VDAC1: variants seen among roughly 807,000 people sequenced by gnomAD.
VDAC1 encodes non-selective voltage-gated ion channel VDAC1.
A neutral mutation model predicts 34.7 loss-of-function variants in VDAC1; 10 were observed. The ratio of observed to expected loss-of-function variants is 0.29; its 90% CI spans 0.18 to 0.49. The LOEUF is 0.49. Ranked by LOEUF, VDAC1 falls within the 20% of genes least tolerant of loss-of-function variation. The pLI is 0.99. For missense variants in VDAC1, 230 were observed against 347.9 expected (o/e 0.66, Z 2.69); for synonymous variants, 130 against 136.0 (o/e 0.96, Z 0.30).
chr5:134,078,836 A>C, the VDAC1 span, among the ~76,000 whole-genome samples: 1 of 151,666 alleles, frequency 6.6e-6, no homozygotes, highest in South Asian at 2.1e-4. Flanking sequence ...TTTTTAGTAG[A>C]GATGGGGTTT....
At chr5:134,011,252 G>A in the VDAC1 span, among the ~76,000 whole-genome samples, 81 of 152,142 alleles carry the variant, frequency 5.3e-4, 1 homozygote, top group African/African-American at 1.9e-3. Context: ...GCCTGCCTCA[G>A]CCTCCCAAAG....
chr5:134,075,900 A>G, the VDAC1 span, among the ~76,000 whole-genome samples: 1 of 151,622 alleles, frequency 6.6e-6, no homozygotes, highest in African/African-American at 2.4e-5. Flanking sequence ...TACCATTTTC[A>G]TACTATTCAC....
At chr5:133,995,476 T>C (rs35644303) in intron 1 of VDAC1, among the ~76,000 whole-genome samples, 15,440 of 152,112 alleles carry the variant, frequency 0.1, 913 homozygotes, top group South Asian at 0.21. Context: ...CTCCCCAGCA[T>C]AGCACCTGGC....
chr5:134,058,693 C>T, the VDAC1 span, among the ~76,000 whole-genome samples: 3 of 152,124 alleles, frequency 2.0e-5, no homozygotes, highest in Non-Finnish European at 2.9e-5. Flanking sequence ...ATGCAAACTG[C>T]ATTCTAATCA....
the VDAC1 span, among the ~76,000 whole-genome samples, chr5:134,067,204 G>T: frequency 0.15 from 22,062 of 151,004 alleles, 1,848 homozygotes; most frequent in East Asian, 0.28. Context: ...GCCTCCCGAG[G>T]AGCTGGGATT....
the VDAC1 span, among the ~76,000 whole-genome samples, chr5:134,104,185 T>C: frequency 0.76 from 115,666 of 152,166 alleles, 44,502 homozygotes; most frequent in Non-Finnish European, 0.82. Context: ...GAACCAGTCC[T>C]ACAATGAATC....
the VDAC1 span, among the ~76,000 whole-genome samples, chr5:134,023,977 A>G: frequency 7.2e-6 from 1 of 139,086 alleles, no homozygotes; most frequent in South Asian, 2.5e-4. Context: ...CACTAAAAAT[A>G]CAAAAAAAAA....
chr5:133,973,514 G>C (rs1752375624), intron 8 of VDAC1, among the ~76,000 whole-genome samples: 1 of 152,172 alleles, frequency 6.6e-6, no homozygotes, highest in South Asian at 2.1e-4. Context: ...TAAGTATCAA[G>C]CATTATGTCC....
At chr5:134,017,920 T>A in the VDAC1 span, among the ~76,000 whole-genome samples, 1 of 151,974 alleles carries the variant, frequency 6.6e-6, no homozygotes, top group Admixed American at 6.6e-5. Flanking sequence ...CTCAAAAAAA[T>A]AAATAAAAAC....
chr5:134,038,515 C>G, the VDAC1 span, among the ~76,000 whole-genome samples: 4 of 152,186 alleles, frequency 2.6e-5, no homozygotes, highest in South Asian at 8.3e-4. Context: ...CCACGACCCC[C>G]TCCCTCAATC....
the VDAC1 span, among the ~76,000 whole-genome samples, chr5:134,083,169 C>T: frequency 2.0e-5 from 3 of 148,446 alleles, no homozygotes; most frequent in East Asian, 5.9e-4. Flanking sequence ...TGAGCCTGTG[C>T]TTTTCTTTTT....
At chr5:133,977,863 A>G (rs1752537369) in intron 6 of VDAC1, among the ~76,000 whole-genome samples, 1 of 152,216 alleles carries the variant, frequency 6.6e-6, no homozygotes, top group Non-Finnish European at 1.5e-5. Context: ...CCATGGGTTC[A>G]GACTCCTTTG....
chr5:134,020,660 G>C, the VDAC1 span, among the ~76,000 whole-genome samples: 1 of 43,970 alleles, frequency 2.3e-5, no homozygotes, highest in African/African-American at 6.1e-5. Flanking sequence ...TTTTTTGTTT[G>C]TTTGTTTGTT....
At chr5:134,080,553 C>T in the VDAC1 span, among the ~76,000 whole-genome samples, 2 of 43,568 alleles carry the variant, frequency 4.6e-5, no homozygotes, top group Non-Finnish European at 1.2e-4. Context: ...GTTAAGTCAC[C>T]GAGGTACCAT....
the VDAC1 span, among the ~76,000 whole-genome samples, chr5:134,102,139 G>T: frequency 6.6e-6 from 1 of 152,142 alleles, no homozygotes; most frequent in South Asian, 2.1e-4. Context: ...CAGTTGAGAG[G>T]CACGGCCCCT....
chr5:134,108,032 C>A, the VDAC1 span, among the ~76,000 whole-genome samples: 3 of 152,148 alleles, frequency 2.0e-5, no homozygotes, highest in African/African-American at 7.2e-5. Flanking sequence ...GAAACAGAGG[C>A]CAACAGCTCA....
At chr5:134,036,077 G>A in the VDAC1 span, among the ~76,000 whole-genome samples, 1 of 151,162 alleles carries the variant, frequency 6.6e-6, no homozygotes, top group African/African-American at 2.4e-5. Flanking sequence ...AATCATCAAT[G>A]GATGCTGAAA....
chr5:134,023,764 G>T, the VDAC1 span, among the ~76,000 whole-genome samples: 2 of 152,148 alleles, frequency 1.3e-5, no homozygotes, highest in African/African-American at 4.8e-5. Context: ...TGATAAGGCA[G>T]AGTGGGCATA....
chr5:134,076,903 C>T, the VDAC1 span, among the ~76,000 whole-genome samples: 85 of 152,206 alleles, frequency 5.6e-4, no homozygotes, highest in African/African-American at 2.0e-3. Flanking sequence ...ACAGGAGATC[C>T]GGAGGCAGGT....
Sources: gnomAD v4.1 joint callset for allele counts (sites outside exome capture counted in the v4.1 genomes callset) on GRCh38, gnomAD v4.1.1 for gene constraint, MANE v1.5 for transcripts, NCBI Gene and HGNC (gene_info 2026-07-23, HGNC 2026-07-21) for gene names.